The following COP1 variants were observed in gnomAD, a reference collection of about 807,000 sequenced individuals.
COP1 encodes COP1 E3 ubiquitin ligase, also known as E3 ubiquitin-protein ligase COP1.
A neutral mutation model predicts 101.3 loss-of-function variants in COP1; 24 were observed. The ratio of observed to expected loss-of-function variants is 0.24; its 90% CI spans 0.17 to 0.33. The LOEUF is 0.33. COP1 is among the 10% of genes least tolerant of loss of function. The pLI, the probability that COP1 is intolerant of heterozygous loss-of-function variation, is 1.00. For synonymous variants in COP1, 347 were observed against 341.9 expected (o/e 1.01, Z -0.17); for missense variants, 663 against 906.2 (o/e 0.73, Z 3.45).
chr1:175,997,034 C>G (rs1469880429), intron 15 of COP1, among the ~76,000 whole-genome samples: 1 of 151,740 alleles, frequency 6.6e-6, no homozygotes, highest in Non-Finnish European at 1.5e-5. Context: ...CAGCATGGTA[C>G]TGGTACCAAA....
At chr1:176,183,298 T>C (rs1433571348) in intron 2 of COP1, among the ~76,000 whole-genome samples, 2 of 152,148 alleles carry the variant, frequency 1.3e-5, no homozygotes, top group Non-Finnish European at 2.9e-5. Context: ...CTGATTTCAA[T>C]ATGAATTAGA....
chr1:176,023,046 T>C (rs998398216), intron 15 of COP1, among the ~76,000 whole-genome samples: 6 of 152,214 alleles, frequency 3.9e-5, no homozygotes, highest in Non-Finnish European at 5.9e-5. Context: ...GTGGGAGTTG[T>C]AGTGAAGGAT....
intron 3 of COP1, among the ~76,000 whole-genome samples, chr1:176,170,886 G>T (rs1695941549): frequency 6.6e-6 from 1 of 152,124 alleles, no homozygotes; most frequent in South Asian, 2.1e-4. Context: ...AGCACTTTGG[G>T]AGGCCGAGAC....
At chr1:176,165,813 A>G (rs1367412093) in intron 3 of COP1, among the ~76,000 whole-genome samples, 1 of 152,256 alleles carries the variant, frequency 6.6e-6, no homozygotes, top group Non-Finnish European at 1.5e-5. Context: ...GATCAGAGCC[A>G]GATTGTGAAG....
intron 6 of COP1, among the ~76,000 whole-genome samples, chr1:176,147,734 A>C (rs969062582): frequency 2.0e-5 from 3 of 152,222 alleles, no homozygotes; most frequent in Non-Finnish European, 4.4e-5. Flanking sequence ...TCAATATCAC[A>C]GATGGTGTTG....
At chr1:176,002,085 C>T (rs1038250378) in intron 15 of COP1, among the ~76,000 whole-genome samples, 1 of 151,990 alleles carries the variant, frequency 6.6e-6, no homozygotes, top group Admixed American at 6.6e-5. Context: ...ATCTTATCTA[C>T]TTGGGGTTTA....
chr1:175,981,888 C>T (rs534269741), intron 18 of COP1, among the ~76,000 whole-genome samples: 2 of 152,164 alleles, frequency 1.3e-5, no homozygotes, highest in South Asian at 4.1e-4. Context: ...TGAAAAAATG[C>T]TCAATATCAT....
intron 14 of COP1, among the ~76,000 whole-genome samples, chr1:176,039,743 A>G (rs1670191592): frequency 6.6e-6 from 1 of 152,188 alleles, no homozygotes; most frequent in Non-Finnish European, 1.5e-5. Flanking sequence ...GCAGAGAAAG[A>G]CTAAAGATAA....
At chr1:176,100,016 T>C (rs1428495438) in intron 9 of COP1, among the ~76,000 whole-genome samples, 1 of 152,214 alleles carries the variant, frequency 6.6e-6, no homozygotes, top group Non-Finnish European at 1.5e-5. Flanking sequence ...TGCTGCACTT[T>C]AAACAAATAA....
chr1:176,033,651 A>G (rs1163603115), intron 14 of COP1, among the ~76,000 whole-genome samples: 2 of 152,178 alleles, frequency 1.3e-5, no homozygotes, highest in East Asian at 3.8e-4. Context: ...GACTCATAAA[A>G]TTCCTTTCTG....
intron 8 of COP1, among the ~76,000 whole-genome samples, chr1:176,121,351 TTTC>T (rs1423771776): frequency 6.6e-6 from 1 of 152,188 alleles, no homozygotes; most frequent in African/African-American, 2.4e-5. Context: ...CTTCATGTTT[TTTC>T]TTGTTTTATT....
intron 14 of COP1, among the ~76,000 whole-genome samples, chr1:176,035,709 C>CCAAAAAAAAAAAAAAAAAAAAAAAAAA (rs1669387051): frequency 3.6e-5 from 1 of 27,658 alleles, no homozygotes; most frequent in Non-Finnish European, 9.1e-5. Context: ...TAAAACGAGA[C>CCAAAAAAAAAAAAAAAAAAAAAAAAAA]CAAAAAAAAA....
At chr1:176,041,245 T>C (rs1670470148) in intron 14 of COP1, among the ~76,000 whole-genome samples, 1 of 152,204 alleles carries the variant, frequency 6.6e-6, no homozygotes, top group South Asian at 2.1e-4. Flanking sequence ...AATGTCTCCA[T>C]GTGGAATGAA....
At chr1:176,044,759 T>C (rs1344230422) in intron 12 of COP1, among the ~76,000 whole-genome samples, 3 of 152,208 alleles carry the variant, frequency 2.0e-5, no homozygotes, top group Non-Finnish European at 4.4e-5. Flanking sequence ...CCTTAGGTAT[T>C]GATCCTTTCA....
At chr1:176,109,027 G>A (rs894315167) in intron 9 of COP1, among the ~76,000 whole-genome samples, 18 of 151,960 alleles carry the variant, frequency 1.2e-4, no homozygotes, top group African/African-American at 3.9e-4. Context: ...CTGGAGAATC[G>A]CTTGAACCCG....
At chr1:176,174,876 T>C (rs541338013) in intron 3 of COP1, among the ~76,000 whole-genome samples, 13 of 152,310 alleles carry the variant, frequency 8.5e-5, no homozygotes, top group Middle Eastern at 3.4e-3. Context: ...TATTATTCAT[T>C]CCCAAAACAT....
chr1:176,072,401 T>C (rs1290864309), intron 11 of COP1, among the ~76,000 whole-genome samples: 1 of 152,144 alleles, frequency 6.6e-6, no homozygotes, highest in Non-Finnish European at 1.5e-5. Flanking sequence ...CCTAGATGAA[T>C]CTCTCAGCCT....
At chr1:176,066,534 G>T (rs900491884) in intron 11 of COP1, among the ~76,000 whole-genome samples, 2 of 152,084 alleles carry the variant, frequency 1.3e-5, no homozygotes, top group African/African-American at 4.8e-5. Flanking sequence ...ATTTTTTAAA[G>T]TCCAAAACTT....
intron 15 of COP1, among the ~76,000 whole-genome samples, chr1:176,023,978 C>T (rs1427598521): frequency 6.6e-6 from 1 of 152,138 alleles, no homozygotes; most frequent in Non-Finnish European, 1.5e-5. Flanking sequence ...AAACTACAGG[C>T]CGGGCATGGT....
Sources: allele counts gnomAD v4.1 joint callset (sites outside exome capture counted in the v4.1 genomes callset), GRCh38; gene constraint gnomAD v4.1.1; transcripts MANE v1.5; gene names NCBI Gene and HGNC (gene_info 2026-07-23, HGNC 2026-07-21).